The following PPARG variants were observed in gnomAD, a reference collection of about 807,000 sequenced individuals.
The protein encoded by PPARG is peroxisome proliferator-activated receptor gamma.
Under a neutral mutation model 39.2 loss-of-function variants are expected in PPARG, and 17 were observed. The ratio of observed to expected loss-of-function variants is 0.43; its 90% CI spans 0.30 to 0.65. The LOEUF (loss-of-function observed/expected upper bound fraction) is 0.65, where lower values mean the gene tolerates loss of function less well. Ranked by LOEUF, PPARG falls within the 30% of genes least tolerant of loss-of-function variation. PPARG has a pLI of 0.13. For synonymous variants in PPARG, 223 were observed against 215.7 expected (o/e 1.03, Z -0.30); for missense variants, 406 against 585.9 (o/e 0.69, Z 3.17).
chr3:12,381,262 G>T (rs1202609528), intron 3 of PPARG, 60 bp from the exon 4 acceptor site: 1 of 1,539,626 alleles, frequency 6.5e-7, no homozygotes, highest in Non-Finnish European at 8.9e-7. Context: ...GGCTTGCCCT[G>T]TTGCCTTTTT....
At chr3:12,328,346 G>A in intron 2 of PPARG, 2 of 759,634 alleles carry the variant, frequency 2.6e-6, no homozygotes, top group Non-Finnish European at 4.5e-6. Context: ...GTCTCTGCAG[G>A]GAAACAGCTT....
intron 2 of PPARG, among the ~76,000 whole-genome samples, chr3:12,330,808 C>G (rs1332912849): frequency 6.6e-6 from 1 of 152,178 alleles, no homozygotes; most frequent in African/African-American, 2.4e-5. Context: ...TCCATTTTCT[C>G]AGAATGATGA....
intron 1 of PPARG, among the ~76,000 whole-genome samples, chr3:12,300,209 A>C (rs1463135893): frequency 6.6e-6 from 1 of 152,184 alleles, no homozygotes; most frequent in African/African-American, 2.4e-5. Context: ...CACCAGAGTT[A>C]ATTTGTTTGG....
At position 12,300,712 on chromosome 3, in the gene PPARG, G is replaced by T. The variant is rs558563425; in HGVS notation, c.-83+11578G>T. ...TGAAATGGAATCTGATATATTCCAT[G>T]TTCTGTGTTACACATATTTGCTGAT... On this transcript the variant is annotated intron_variant, in intron 1 of 7. Coordinates refer to ENST00000651735, the MANE Select transcript of PPARG (RefSeq NM_138711.6). Among the ~76,000 whole-genome samples, 11 of 152,052 alleles carry T rather than the reference G, an allele frequency of 7.2e-5. 1 individual carries two copies. In the South Asian group the frequency reaches 2.1e-3, roughly 29 times the overall value.
At chr3:12,349,663 G>C (rs916883764) in intron 2 of PPARG, among the ~76,000 whole-genome samples, 4 of 152,164 alleles carry the variant, frequency 2.6e-5, no homozygotes, top group African/African-American at 9.7e-5. Context: ...ATGAATATTT[G>C]TTGAACAAAC....
intron 2 of PPARG, among the ~76,000 whole-genome samples, chr3:12,374,760 T>C (rs1007480249): frequency 1.3e-5 from 2 of 152,056 alleles, no homozygotes; most frequent in African/African-American, 4.8e-5. Flanking sequence ...GGGAAAACCA[T>C]GCTTTGTAGA....
At chr3:12,314,970 C>T (rs2047350569) in intron 2 of PPARG, among the ~76,000 whole-genome samples, 1 of 152,082 alleles carries the variant, frequency 6.6e-6, no homozygotes, top group African/African-American at 2.4e-5. Flanking sequence ...GTATTGGGAG[C>T]ATTCAAAATC....
At chr3:12,421,040 C>T (rs2051242610) in intron 7 of PPARG, among the ~76,000 whole-genome samples, 1 of 152,220 alleles carries the variant, frequency 6.6e-6, no homozygotes, top group South Asian at 2.1e-4. Context: ...CCTGACAGCG[C>T]TCCTGGGCTT....
chr3:12,328,263 C>G, intron 2 of PPARG: 2 of 1,507,678 alleles, frequency 1.3e-6, no homozygotes, highest in African/African-American at 1.4e-5. Flanking sequence ...GCTGATGGCA[C>G]GAAGGGCCCA....
At chr3:12,413,107 A>G (rs1460292276) in intron 6 of PPARG, among the ~76,000 whole-genome samples, 1 of 152,240 alleles carries the variant, frequency 6.6e-6, no homozygotes, top group African/African-American at 2.4e-5. Flanking sequence ...ATTGTACCAC[A>G]TTGTACCAAA....
At position 12,431,965 on chromosome 3, in the gene PPARG, T is replaced by C. The variant is rs147767868; in HGVS notation, c.1181-1933T>C. Among the ~76,000 whole-genome samples the C allele has an allele frequency of 3.5e-3, 536 of 151,498 alleles. 4 individuals carry two copies. The highest frequency in any genetic ancestry group is 0.012 in the African/African-American group (487 of 41,310). On this transcript the variant is annotated intron_variant, in intron 7 of 7. Transcript: ENST00000651735. ...AAAGCGTTAAGTTAAGGAGCGTGAA[T>C]AAAAATAATACATTTCATATTCTAA... is the stretch of plus-strand genomic sequence containing the variant.
intron 7 of PPARG, among the ~76,000 whole-genome samples, chr3:12,431,787 G>A (rs536204067): frequency 2.0e-5 from 3 of 152,098 alleles, no homozygotes; most frequent in Middle Eastern, 3.4e-3. Flanking sequence ...AAAAAATTTC[G>A]AAATTAGTTG....
At chr3:12,373,496 T>C (rs141858377) in intron 2 of PPARG, among the ~76,000 whole-genome samples, 1 of 152,338 alleles carries the variant, frequency 6.6e-6, no homozygotes, top group East Asian at 1.9e-4. Context: ...GCTTAAGTTG[T>C]ATTTTATTGA....
intron 1 of PPARG, among the ~76,000 whole-genome samples, chr3:12,298,402 GACACACACACAC>G (rs561853093): frequency 1.4e-5 from 2 of 140,280 alleles, no homozygotes; most frequent in Admixed American, 7.3e-5. Context: ...TATATGTATA[GACACACACACAC>G]ACACACACAC....
At chr3:12,418,303 A>G (rs2051144924) in intron 7 of PPARG, among the ~76,000 whole-genome samples, 1 of 152,188 alleles carries the variant, frequency 6.6e-6, no homozygotes, top group Non-Finnish European at 1.5e-5. Flanking sequence ...CATGAGTAGA[A>G]GAAAGTTTTA....
chr3:12,313,037 G>A (rs142991459), intron 2 of PPARG, among the ~76,000 whole-genome samples: 6 of 152,248 alleles, frequency 3.9e-5, no homozygotes, highest in South Asian at 2.1e-4. Context: ...TTATCCTTCC[G>A]AGGCCTAACT....
chr3:12,433,845 A>G, intron 7 of PPARG, 53 bp from the exon 8 acceptor site: 1 of 1,612,476 alleles, frequency 6.2e-7, no homozygotes, highest in South Asian at 1.1e-5. Context: ...GGCGGGGCCC[A>G]GAGGATTTTT....
chr3:12,379,781 G>C lies in PPARG; in HGVS notation c.70G>C (p.Glu24Gln). Residue 24 changes from glutamate to glutamine, a missense_variant, in exon 3 of 8, where the codon GAA becomes CAA. Glu to Gln is a conservative substitution (Grantham distance 29). Around this residue, in one of 2 missense-constraint regions of PPARG, gnomAD observed 131 missense variants for 127.9 expected, o/e 1.02. Transcript: ENST00000651735. ...GISSVDLSVM[E>Q]DHSHSFDIKP... is the part of the protein sequence containing the mutation. ...CAGCTCCGTGGATCTCTCCGTAATGGAAGACCACTCCCACTCCTTTGATAT... is the reference window on the plus strand; with the variant it reads ...CAGCTCCGTGGATCTCTCCGTAATGCAAGACCACTCCCACTCCTTTGATAT... 15 of 1,613,986 alleles carry C rather than the reference G, an allele frequency of 9.3e-6. No homozygotes were observed. The highest frequency in any genetic ancestry group is 1.3e-5 in the Non-Finnish European group (15 of 1,179,952).
At chr3:12,305,661 G>T (rs2047043078) in intron 1 of PPARG, 1 of 152,180 alleles carries the variant, frequency 6.6e-6, no homozygotes, top group Non-Finnish European at 1.5e-5. Flanking sequence ...ACAAATAGCA[G>T]ATGCTCAACA....
Sources: gnomAD v4.1 joint callset for allele counts (sites outside exome capture counted in the v4.1 genomes callset) on GRCh38, gnomAD v4.1.1 for gene constraint, gnomAD v4.1.1 regional missense constraint, MANE v1.5 for transcripts, NCBI Gene and HGNC (gene_info 2026-07-23, HGNC 2026-07-21) for gene names.